The following MARVELD2 variants were observed in gnomAD, a reference collection of about 807,000 sequenced individuals.
The protein encoded by MARVELD2 is MARVEL domain containing 2.
MARVELD2 carries 49 observed loss-of-function variants against 57.6 expected under a neutral mutation model. The ratio of observed to expected loss-of-function variants is 0.85; its 90% CI spans 0.68 to 1.08. The LOEUF (loss-of-function observed/expected upper bound fraction) is 1.08, where lower values mean the gene tolerates loss of function less well. Among genes scored for constraint, MARVELD2 ranks in the 50% least tolerant of loss-of-function variants. The pLI is 0.00. For missense variants in MARVELD2, 606 were observed against 701.1 expected (o/e 0.86, Z 1.53); for synonymous variants, 238 against 258.8 (o/e 0.92, Z 0.77).
At position 69,441,810 on chromosome 5, in the gene MARVELD2, C is replaced by T; in HGVS notation, c.*156C>T. The T allele has an allele frequency of 1.9e-6, 1 of 535,548 alleles. No homozygotes were observed. Among genetic ancestry groups the T allele is most frequent in the East Asian group, 3.6e-5 (1 of 27,640 alleles). 33.2% of individuals were successfully genotyped at this position (535,548 alleles called of 1,614,324 possible). Reference sequence around the variant, plus strand: ...CAATTCTCCTGTTCAAGCAATTAGCCTCCCCAGTAGCTGGGATTACAGGCG... The same window carrying T: ...CAATTCTCCTGTTCAAGCAATTAGCTTCCCCAGTAGCTGGGATTACAGGCG... On this transcript the variant is annotated 3_prime_UTR_variant, in exon 7 of 7. Coordinates refer to ENST00000325631, the MANE Select transcript of MARVELD2 (RefSeq NM_001038603.3).
chr5:69,423,107 G>A (rs1407017329), intron 2 of MARVELD2, among the ~76,000 whole-genome samples: 4 of 152,138 alleles, frequency 2.6e-5, no homozygotes, highest in Admixed American at 1.3e-4. Flanking sequence ...TGTTGGCCAG[G>A]CTGATCTTGA....
chr5:69,433,140 G>C, intron 5 of MARVELD2, 47 bp downstream of exon 5: 1 of 812,780 alleles, frequency 1.2e-6, no homozygotes, highest in Non-Finnish European at 2.0e-6. Context: ...TCTAGAGGAT[G>C]AATAAAATCT....
At chr5:69,423,510 C>T (rs960478582) in intron 2 of MARVELD2, among the ~76,000 whole-genome samples, 1 of 152,194 alleles carries the variant, frequency 6.6e-6, no homozygotes, top group African/African-American at 2.4e-5. Flanking sequence ...CCTCCTGCCT[C>T]AGCCTCCCAA....
rs1766579205 is a variant in MARVELD2 at position 69,420,256 on chromosome 5, C to G, written c.871C>G (p.Leu291Val). The G allele has an allele frequency of 1.9e-6, 3 of 1,614,136 alleles. No homozygotes were observed. Among genetic ancestry groups the G allele is most frequent in the African/African-American group, 1.3e-5 (1 of 75,018 alleles). The change falls in exon 2 of 7, where the codon CTA becomes GTA. Residue 291 changes from leucine (L) to valine (V), a missense_variant. By Grantham distance (32) the Leu-to-Val change is conservative. Coordinates refer to ENST00000325631, the MANE Select transcript of MARVELD2 (RefSeq NM_001038603.3). The part of the protein sequence containing the change: ...TILLDSNWWP[L>V]TEFGINVALF... ...TCTTCTGGACTCTAATTGGTGGCCC[C>G]TAACTGAATTTGGAATTAACGTTGC...
rs1307933711 is a variant in MARVELD2, at chr5:69,433,046, C to T, written c.1456C>T (p.Leu486=). ...VQAVLRKFDE[L]DAVMSRLPHH... ...GGCTGTCCTGAGGAAGTTTGATGAGCTGGATGCAGTGATGAGCAGATTGCC... is the reference window on the plus strand; with the variant it reads ...GGCTGTCCTGAGGAAGTTTGATGAGTTGGATGCAGTGATGAGCAGATTGCC... The change falls in exon 5 of 7, where the codon CTG becomes TTG. Residue 486 remains leucine, a synonymous_variant. Coordinates refer to ENST00000325631, the MANE Select transcript of MARVELD2 (RefSeq NM_001038603.3). The T allele has an allele frequency of 3.1e-6, 5 of 1,613,668 alleles. No individual in the cohort carries two copies. Among genetic ancestry groups the T allele is most frequent in the Non-Finnish European group, 3.4e-6 (4 of 1,179,988 alleles).
In MARVELD2 at chr5:69,417,670, G is replaced by C. The variant is rs1355470518; in HGVS notation, c.-15-1701G>C. Among the ~76,000 whole-genome samples the C allele has an allele frequency of 3.9e-5, 6 of 152,086 alleles. 1 individual carries two copies. The highest frequency in any genetic ancestry group is 7.4e-5 in the Non-Finnish European group (5 of 67,996). ...AATTTTAAAGAATTAGCGGCCGAGC[G>C]TGGTGGCTCACACCTGTAATCCCAG... On this transcript the variant is annotated intron_variant, in intron 1 of 6. Coordinates refer to ENST00000325631, the MANE Select transcript of MARVELD2 (RefSeq NM_001038603.3).
At chr5:69,418,248 A>C (rs762049296) in intron 1 of MARVELD2, among the ~76,000 whole-genome samples, 5 of 152,206 alleles carry the variant, frequency 3.3e-5, no homozygotes, top group Non-Finnish European at 7.3e-5. Flanking sequence ...TGAATGAAAA[A>C]ATTTTTTTAA....
intron 3 of MARVELD2, among the ~76,000 whole-genome samples, chr5:69,430,730 C>T (rs754087018): frequency 1.3e-5 from 2 of 151,816 alleles, no homozygotes; most frequent in Non-Finnish European, 2.9e-5. Context: ...GACAGGGTTT[C>T]ACCATGTTGG....
At position 69,441,602 on chromosome 5, in the gene MARVELD2, G is replaced by A. The variant is rs1279792670; in HGVS notation, c.1625G>A (p.Arg542Lys). Residue 542 changes from arginine (R) to lysine (K), a missense_variant, in exon 7 of 7, where the codon AGA (arginine) becomes AAA (lysine). By Grantham distance (26) the Arg-to-Lys change is conservative. Transcript: ENST00000325631. ...LKNKLSHIKQ[R>K]IQEYDKVMNW... ...AATAAACTTTCTCACATAAAGCAAA[G>A]AATTCAAGAATATGATAAAGTAATG... 1.4e-5 allele frequency: 23 copies of A among 1,596,924 alleles called. No homozygotes were observed. The highest frequency in any genetic ancestry group is 1.7e-5 in the Non-Finnish European group (20 of 1,165,214).
In MARVELD2 at chr5:69,419,450, C is replaced by T. The variant is rs1268032016; in HGVS notation, c.65C>T (p.Pro22Leu). Residue 22 changes from proline (P) to leucine (L), a missense_variant, in exon 2 of 7, where the codon CCC becomes CTC. Pro to Leu is a moderately conservative substitution (Grantham distance 98). Transcript: ENST00000325631. The stretch of plus-strand genomic sequence containing the variant: ...TACGATGAGGTCCCAAGCGACCTGC[C>T]CTATCAAGATACCACCATAAGAACC... ...RRYDEVPSDL[P>L]YQDTTIRTHP... 1 of 1,613,974 alleles carries T rather than the reference C, an allele frequency of 6.2e-7. No homozygotes were observed. Among genetic ancestry groups the T allele is most frequent in the African/African-American group, 1.3e-5 (1 of 74,888 alleles).
intron 2 of MARVELD2, 80 bp downstream of exon 2, chr5:69,420,611 G>C: frequency 7.3e-7 from 1 of 1,362,844 alleles, no homozygotes; most frequent in Non-Finnish European, 1.0e-6. Context: ...AAAATGTATA[G>C]CGCTCAAAAC....
At position 69,420,401 on chromosome 5, in the gene MARVELD2, G is replaced by C. The variant is rs758736953; in HGVS notation, c.1016G>C (p.Gly339Ala). The stretch of plus-strand genomic sequence containing the variant: ...AATGCAGTGTTCTGCCGGGTAGAAG[G>C]AGGACAGATAGCTGCAATGATCTTC... ...PVNAVFCRVE[G>A]GQIAAMIFLF... Residue 339 changes from glycine to alanine, a missense_variant, in exon 2 of 7, where the codon GGA becomes GCA. Coordinates refer to ENST00000325631, the MANE Select transcript of MARVELD2 (RefSeq NM_001038603.3). 1 of 1,614,018 alleles carries C rather than the reference G, an allele frequency of 6.2e-7. No individual in the cohort carries two copies. The highest frequency in any genetic ancestry group is 1.1e-5 in the South Asian group (1 of 91,086).
intron 2 of MARVELD2, among the ~76,000 whole-genome samples, chr5:69,422,871 G>A (rs190330734): frequency 7.6e-4 from 115 of 152,144 alleles, no homozygotes; most frequent in African/African-American, 2.2e-3. Flanking sequence ...CAGACTGGCC[G>A]ACACTTAGGG....
At chr5:69,428,139 G>A (rs1183996843) in intron 3 of MARVELD2, among the ~76,000 whole-genome samples, 1 of 151,464 alleles carries the variant, frequency 6.6e-6, no homozygotes, top group Admixed American at 6.6e-5. Flanking sequence ...TCCCAATAGA[G>A]TTTTCCAAAC....
chr5:69,433,088 C>G lies in MARVELD2; in HGVS notation c.1498C>G (p.Arg500Gly), dbSNP rs118203957. The G allele has an allele frequency of 6.2e-7, 1 of 1,612,702 alleles. No homozygotes were observed. The highest frequency in any genetic ancestry group is 1.1e-5 in the South Asian group (1 of 91,036). ...CAGATTGCCACATCATTCGGAAAGC[C>G]GACAGGTTAGTATGTGCAGCTGCCT... ...MSRLPHHSESRQEHERISRIH... is the reference protein window; with the variant it reads ...MSRLPHHSESGQEHERISRIH... Residue 500 changes from arginine (R) to glycine (G), a missense_variant, in exon 5 of 7, where the codon CGA (arginine) becomes GGA (glycine). Transcript: ENST00000325631.
intron 2 of MARVELD2, among the ~76,000 whole-genome samples, chr5:69,420,853 AAAGAAG>A (rs995712188): frequency 6.6e-6 from 1 of 152,208 alleles, no homozygotes; most frequent in Admixed American, 6.5e-5. Context: ...GAATTTTTGC[AAAGAAG>A]AAGAGTGTAC....
chr5:69,427,900 C>T (rs1766843716), intron 3 of MARVELD2, among the ~76,000 whole-genome samples: 1 of 152,128 alleles, frequency 6.6e-6, no homozygotes, highest in Admixed American at 6.6e-5. Flanking sequence ...TCTCTTGAGG[C>T]CAGGAGTTTG....
chr5:69,425,370 T>C (rs1285443132), intron 3 of MARVELD2, among the ~76,000 whole-genome samples: 8 of 149,652 alleles, frequency 5.3e-5, no homozygotes, highest in African/African-American at 2.0e-4. Flanking sequence ...AATGTGCACA[T>C]GTTCCCTAAA....
In MARVELD2 at chr5:69,432,536, G is replaced by A. The variant is rs770061881; in HGVS notation, c.1192G>A (p.Ala398Thr). ...TTCTCCCTAACTGCAGTGTGAAATG[G>A]CCACCAGTGGTGACAGACAAAGAGA... ...LSSKRKMCEM[A>T]TSGDRQRDSE... The change falls in exon 4 of 7, where the codon GCC becomes ACC. Residue 398 changes from alanine (A) to threonine (T), a missense_variant. Coordinates refer to ENST00000325631, the MANE Select transcript of MARVELD2 (RefSeq NM_001038603.3). 6.2e-7 allele frequency: 1 copy of A among 1,614,122 alleles called. No homozygotes were observed. The highest frequency in any genetic ancestry group is 2.2e-5 in the East Asian group (1 of 44,886).
Sources: gnomAD v4.1 joint callset for allele counts (sites outside exome capture counted in the v4.1 genomes callset) on GRCh38, gnomAD v4.1.1 for gene constraint, MANE v1.5 for transcripts, NCBI Gene and HGNC (gene_info 2026-07-23, HGNC 2026-07-21) for gene names.